CDH4: variants seen among roughly 807,000 people sequenced by gnomAD.
CDH4 encodes cadherin 4.
In CDH4, 33 loss-of-function variants were observed where a neutral mutation model predicts 86.0. That is an observed-to-expected ratio of 0.38 (90% CI 0.29 to 0.51). The LOEUF (loss-of-function observed/expected upper bound fraction) is 0.51, where lower values mean the gene tolerates loss of function less well. Ranked by LOEUF, CDH4 falls within the 20% of genes least tolerant of loss-of-function variation. CDH4 has a pLI of 0.86. For missense variants in CDH4, 1,114 were observed against 1,307.4 expected (o/e 0.85, Z 2.28); for synonymous variants, 555 against 549.4 (o/e 1.01, Z -0.14).
intron 4 of CDH4, among the ~76,000 whole-genome samples, chr20:61,790,286 C>CCA (rs1401951481): frequency 6.6e-6 from 1 of 151,746 alleles, no homozygotes; most frequent in African/African-American, 2.4e-5. Context: ...ATTCATGCAT[C>CCA]CACACATCCA....
chr20:61,534,627 G>A (rs6061615), intron 2 of CDH4, among the ~76,000 whole-genome samples: 5,205 of 140,094 alleles, frequency 0.037, 303 homozygotes, highest in African/African-American at 0.15. Context: ...TCTAAGTGGT[G>A]GTTTTTTCTT....
chr20:61,628,578 G>A (rs2086854088), intron 2 of CDH4, among the ~76,000 whole-genome samples: 2 of 152,238 alleles, frequency 1.3e-5, no homozygotes, highest in South Asian at 2.1e-4. Flanking sequence ...TGCTACAGGA[G>A]AACGCCGTCC....
intron 2 of CDH4, among the ~76,000 whole-genome samples, chr20:61,483,973 G>A (rs555094505): frequency 2.7e-4 from 41 of 152,052 alleles, no homozygotes; most frequent in Non-Finnish European, 4.3e-4. Flanking sequence ...CCTCATGGCT[G>A]GCCACTTGCA....
chr20:61,850,786 G>T (rs1014464433), intron 5 of CDH4, among the ~76,000 whole-genome samples: 4 of 152,224 alleles, frequency 2.6e-5, no homozygotes, highest in African/African-American at 9.6e-5. Flanking sequence ...CCCACCCTGG[G>T]TGTGCCCAGC....
intron 2 of CDH4, among the ~76,000 whole-genome samples, chr20:61,675,241 A>G (rs1184780620): frequency 6.6e-6 from 1 of 152,108 alleles, no homozygotes; most frequent in Admixed American, 6.5e-5. Flanking sequence ...GGGGAGAAGG[A>G]AACAACCATC....
intron 2 of CDH4, among the ~76,000 whole-genome samples, chr20:61,389,397 G>A (rs549855489): frequency 1.2e-3 from 180 of 152,260 alleles, no homozygotes; most frequent in Admixed American, 2.8e-3. Flanking sequence ...TACACATATC[G>A]CCCCCTTGTA....
intron 2 of CDH4, among the ~76,000 whole-genome samples, chr20:61,546,830 G>A (rs1353314625): frequency 6.6e-6 from 1 of 152,136 alleles, no homozygotes; most frequent in Non-Finnish European, 1.5e-5. Context: ...GGGCGCCGAC[G>A]CGGTGCCACG....
chr20:61,574,301 C>T (rs2086366528), intron 2 of CDH4, among the ~76,000 whole-genome samples: 1 of 152,256 alleles, frequency 6.6e-6, no homozygotes, highest in East Asian at 1.9e-4. Context: ...TGCCTGTGTG[C>T]CTCACCATGC....
At chr20:61,254,104 C>G (rs1051596899) in intron 1 of CDH4, among the ~76,000 whole-genome samples, 7 of 152,204 alleles carry the variant, frequency 4.6e-5, no homozygotes, top group Admixed American at 3.9e-4. Flanking sequence ...GCAGGAAAGG[C>G]GAGCGAGCTC....
chr20:61,861,270 G>A (rs1983310904), intron 6 of CDH4, among the ~76,000 whole-genome samples: 1 of 152,240 alleles, frequency 6.6e-6, no homozygotes. Flanking sequence ...GGTCATCACA[G>A]AAATGCGGCC....
intron 2 of CDH4, among the ~76,000 whole-genome samples, chr20:61,535,502 A>G (rs2085989602): frequency 6.6e-6 from 1 of 152,256 alleles, no homozygotes; most frequent in South Asian, 2.1e-4. Flanking sequence ...ATCAATTTGT[A>G]GTTTTCCCAG....
At chr20:61,889,610 G>GA (rs1269481507) in intron 7 of CDH4, among the ~76,000 whole-genome samples, 2 of 11,258 alleles carry the variant, frequency 1.8e-4, no homozygotes, top group Non-Finnish European at 5.1e-4. Flanking sequence ...GATGATGGGT[G>GA]GATAGATGAT....
At chr20:61,887,089 G>C (rs955543285) in intron 7 of CDH4, among the ~76,000 whole-genome samples, 1 of 152,196 alleles carries the variant, frequency 6.6e-6, no homozygotes, top group African/African-American at 2.4e-5. Context: ...ATGAGCACAT[G>C]CCTGGGTCCT....
intron 3 of CDH4, among the ~76,000 whole-genome samples, chr20:61,746,863 C>T (rs1334411552): frequency 3.9e-5 from 6 of 152,194 alleles, no homozygotes; most frequent in African/African-American, 9.7e-5. Context: ...CAGGAGGAGG[C>T]AGGCAGGGAG....
At chr20:61,837,847 A>C (rs1360761744) in intron 4 of CDH4, among the ~76,000 whole-genome samples, 1 of 151,910 alleles carries the variant, frequency 6.6e-6, no homozygotes, top group Non-Finnish European at 1.5e-5. Context: ...TCTGGAACCC[A>C]TGTATCATCC....
chr20:61,591,240 A>G (rs1169156765), intron 2 of CDH4, among the ~76,000 whole-genome samples: 1 of 152,264 alleles, frequency 6.6e-6, no homozygotes, highest in African/African-American at 2.4e-5. Flanking sequence ...TTACCATATG[A>G]GACATCAAAA....
chr20:61,750,163 G>C (rs1181495807), intron 3 of CDH4, among the ~76,000 whole-genome samples: 4 of 152,118 alleles, frequency 2.6e-5, no homozygotes, highest in Non-Finnish European at 5.9e-5. Context: ...TGTTAAAACA[G>C]GAGGAGAAAA....
intron 2 of CDH4, among the ~76,000 whole-genome samples, chr20:61,649,064 A>G (rs1261893203): frequency 2.0e-5 from 3 of 152,222 alleles, no homozygotes; most frequent in African/African-American, 7.2e-5. Context: ...TAGTGATTTC[A>G]TGGTTTTAGC....
At chr20:61,870,078 A>G (rs1983730349) in intron 6 of CDH4, among the ~76,000 whole-genome samples, 2 of 152,226 alleles carry the variant, frequency 1.3e-5, no homozygotes, top group South Asian at 4.2e-4. Context: ...CTCACAGTGG[A>G]TCAGTAACCC....
Sources: gnomAD v4.1 joint callset for allele counts (sites outside exome capture counted in the v4.1 genomes callset) on GRCh38, gnomAD v4.1.1 for gene constraint, MANE v1.5 for transcripts, NCBI Gene and HGNC (gene_info 2026-07-23, HGNC 2026-07-21) for gene names.